The following CNTNAP2 variants were observed in gnomAD, a reference collection of about 807,000 sequenced individuals.
CNTNAP2 encodes the protein contactin associated protein 2, also known as contactin-associated protein-like 2.
A neutral mutation model predicts 155.2 loss-of-function variants in CNTNAP2; 98 were observed. That is an observed-to-expected ratio of 0.63 (90% CI 0.54 to 0.75). CNTNAP2 has a LOEUF of 0.75. Among genes scored for constraint, CNTNAP2 ranks in the 30% least tolerant of loss-of-function variants. The pLI is 0.00. For synonymous variants in CNTNAP2, 651 were observed against 631.2 expected (o/e 1.03, Z -0.47); for missense variants, 1,727 against 1,688.1 (o/e 1.02, Z -0.40).
At chr7:148,397,686 A>G (rs1390656829) in intron 22 of CNTNAP2, among the ~76,000 whole-genome samples, 3 of 152,366 alleles carry the variant, frequency 2.0e-5, no homozygotes, top group Non-Finnish European at 4.4e-5. Context: ...GTTGACATGA[A>G]TGAGAAGAAC....
chr7:147,262,354 ACCCCTGGTAC>A (rs1181287287), intron 8 of CNTNAP2, among the ~76,000 whole-genome samples: 1 of 152,188 alleles, frequency 6.6e-6, no homozygotes, highest in African/African-American at 2.4e-5. Context: ...TGAAGTCTTA[ACCCCTGGTAC>A]CCTAGAATGT....
At chr7:147,019,795 C>T (rs1262249348) in intron 3 of CNTNAP2, among the ~76,000 whole-genome samples, 1 of 151,910 alleles carries the variant, frequency 6.6e-6, no homozygotes, top group African/African-American at 2.4e-5. Flanking sequence ...AATGATGTTT[C>T]AGAGCAGGAA....
chr7:147,004,397 T>G (rs577733215), intron 3 of CNTNAP2, among the ~76,000 whole-genome samples: 2 of 151,808 alleles, frequency 1.3e-5, no homozygotes, highest in African/African-American at 4.8e-5. Context: ...TGTAGAAAAA[T>G]GAGCAATTGG....
intron 13 of CNTNAP2, among the ~76,000 whole-genome samples, chr7:147,795,021 A>T (rs142316744): frequency 7.5e-4 from 114 of 151,268 alleles, no homozygotes; most frequent in African/African-American, 2.7e-3. Flanking sequence ...CATTTTATTG[A>T]TCTTTTCAAA....
intron 21 of CNTNAP2, among the ~76,000 whole-genome samples, chr7:148,362,104 G>A (rs1798634220): frequency 6.6e-6 from 1 of 152,160 alleles, no homozygotes; most frequent in African/African-American, 2.4e-5. Context: ...AGCTACTTGG[G>A]AGGCTGAGGT....
At chr7:147,877,394 G>A (rs1799439781) in intron 13 of CNTNAP2, among the ~76,000 whole-genome samples, 1 of 152,078 alleles carries the variant, frequency 6.6e-6, no homozygotes, top group Non-Finnish European at 1.5e-5. Flanking sequence ...ACCATATGGG[G>A]ACTTTCTCAT....
chr7:146,643,384 C>T (rs1274450178), intron 1 of CNTNAP2, among the ~76,000 whole-genome samples: 3 of 151,968 alleles, frequency 2.0e-5, no homozygotes, highest in African/African-American at 7.3e-5. Flanking sequence ...ATATGGCTAG[C>T]CAGTTTTCCC....
At chr7:147,040,515 C>G (rs1000093307) in intron 3 of CNTNAP2, among the ~76,000 whole-genome samples, 1 of 128,190 alleles carries the variant, frequency 7.8e-6, no homozygotes, top group Non-Finnish European at 1.6e-5. Flanking sequence ...GGCTGGAGTA[C>G]AGTGGCGTGA....
chr7:146,798,321 A>G (rs1006271222), intron 2 of CNTNAP2, among the ~76,000 whole-genome samples: 1 of 151,780 alleles, frequency 6.6e-6, no homozygotes, highest in Non-Finnish European at 1.5e-5. Context: ...TCTCAAACAG[A>G]CACAATCTGA....
chr7:147,698,274 T>C (rs1004020180), intron 13 of CNTNAP2, among the ~76,000 whole-genome samples: 1 of 152,222 alleles, frequency 6.6e-6, no homozygotes, highest in African/African-American at 2.4e-5. Context: ...GAGTTTATAC[T>C]TTATTTTTCA....
chr7:147,527,085 T>C (rs1799338369), intron 11 of CNTNAP2, among the ~76,000 whole-genome samples: 1 of 139,472 alleles, frequency 7.2e-6, no homozygotes, highest in African/African-American at 2.8e-5. Context: ...TGCAGTGGTG[T>C]GATCTCGGCT....
At position 146,742,792 on chromosome 7, in the gene CNTNAP2, C is replaced by T. The variant is rs142028027; in HGVS notation, c.98-31479C>T. On this transcript the variant is annotated intron_variant, in intron 1 of 23. Transcript: ENST00000361727. The stretch of plus-strand genomic sequence containing the variant: ...TACTGTAATAGATATATTCGGGAAA[C>T]GAGCTAGTATTTAGTTGAAAATTGT... 7.8e-4 allele frequency among the ~76,000 whole-genome samples: 118 copies of T among 152,108 alleles called. 1 individual carries two copies. The highest frequency in any genetic ancestry group is 3.4e-3 in the Middle Eastern group (1 of 294).
chr7:147,710,621 C>T (rs536112820), intron 13 of CNTNAP2, among the ~76,000 whole-genome samples: 8 of 152,142 alleles, frequency 5.3e-5, no homozygotes, highest in East Asian at 3.9e-4. Flanking sequence ...TTGACTATAC[C>T]GTTCCCTAAA....
intron 18 of CNTNAP2, among the ~76,000 whole-genome samples, chr7:148,200,633 C>T (rs1795354799): frequency 6.6e-6 from 1 of 152,104 alleles, no homozygotes; most frequent in African/African-American, 2.4e-5. Context: ...GAATCATAGC[C>T]CTCTATGATA....
chr7:147,752,207 T>A (rs1204774716), intron 13 of CNTNAP2, among the ~76,000 whole-genome samples: 1 of 152,214 alleles, frequency 6.6e-6, no homozygotes, highest in Non-Finnish European at 1.5e-5. Flanking sequence ...AGGAACATAT[T>A]ATTGACTCAC....
chr7:147,058,016 G>A (rs948593350), intron 4 of CNTNAP2, among the ~76,000 whole-genome samples: 8 of 151,954 alleles, frequency 5.3e-5, no homozygotes, highest in Non-Finnish European at 5.9e-5. Flanking sequence ...TTCTCATATC[G>A]TTTGTCTGTG....
At chr7:147,396,204 A>G (rs1231506452) in intron 10 of CNTNAP2, among the ~76,000 whole-genome samples, 10 of 148,530 alleles carry the variant, frequency 6.7e-5, no homozygotes, top group Non-Finnish European at 5.9e-5. Flanking sequence ...TATATGTGAT[A>G]AAACACACTG....
intron 1 of CNTNAP2, among the ~76,000 whole-genome samples, chr7:146,608,513 A>G (rs1302230038): frequency 2.0e-5 from 3 of 152,182 alleles, no homozygotes; most frequent in Non-Finnish European, 4.4e-5. Flanking sequence ...AGTGAAGCAA[A>G]TTCCTTTGTA....
chr7:147,452,544 G>T (rs866227890), intron 10 of CNTNAP2, among the ~76,000 whole-genome samples: 3 of 152,048 alleles, frequency 2.0e-5, no homozygotes, highest in Non-Finnish European at 4.4e-5. Flanking sequence ...AATCAGCCTG[G>T]TGTAGTACTA....
Sources: gnomAD v4.1 joint callset for allele counts (sites outside exome capture counted in the v4.1 genomes callset) on GRCh38, gnomAD v4.1.1 for gene constraint, MANE v1.5 for transcripts, NCBI Gene and HGNC (gene_info 2026-07-23, HGNC 2026-07-21) for gene names.